The following SLC44A5 variants were observed in gnomAD, a reference collection of about 807,000 sequenced individuals.
The protein encoded by SLC44A5 is choline transporter-like protein 5.
A neutral mutation model predicts 101.8 loss-of-function variants in SLC44A5; 57 were observed. The observed-to-expected ratio is 0.56, with a 90% CI of 0.45 to 0.70. SLC44A5 has a LOEUF of 0.70. Ranked by LOEUF, SLC44A5 falls within the 30% of genes least tolerant of loss-of-function variation. The pLI is 0.00. For missense variants in SLC44A5, 737 were observed against 853.1 expected (o/e 0.86, Z 1.70); for synonymous variants, 281 against 290.9 (o/e 0.97, Z 0.35).
chr1:75,477,638 A>C (rs961476752), intron 2 of SLC44A5, among the ~76,000 whole-genome samples: 4 of 152,238 alleles, frequency 2.6e-5, no homozygotes, highest in African/African-American at 7.2e-5. Flanking sequence ...GATCAACTGG[A>C]AGAAAGGGTA....
chr1:75,633,667 C>A, the SLC44A5 span, among the ~76,000 whole-genome samples: 1 of 151,972 alleles, frequency 6.6e-6, no homozygotes, highest in East Asian at 1.9e-4. Context: ...CATCTGCAAA[C>A]AGGGACAATT....
chr1:75,628,438 T>C, the SLC44A5 span, among the ~76,000 whole-genome samples: 1 of 152,174 alleles, frequency 6.6e-6, no homozygotes, highest in Non-Finnish European at 1.5e-5. Flanking sequence ...ATTCAAATCA[T>C]GCCTCTACCT....
intron 2 of SLC44A5, among the ~76,000 whole-genome samples, chr1:75,423,332 T>A (rs2101568774): frequency 6.6e-6 from 1 of 152,310 alleles, no homozygotes; most frequent in South Asian, 2.1e-4. Context: ...GAAATTAGAT[T>A]AGATGGTTGT....
chr1:75,266,318 T>C (rs200214806), intron 6 of SLC44A5, among the ~76,000 whole-genome samples: 18 of 146,840 alleles, frequency 1.2e-4, no homozygotes, highest in Non-Finnish European at 2.7e-4. Context: ...GGCATAGAAA[T>C]ACACACACAC....
At chr1:75,682,406 G>A in the SLC44A5 span, among the ~76,000 whole-genome samples, 2 of 151,610 alleles carry the variant, frequency 1.3e-5, no homozygotes, top group Non-Finnish European at 2.9e-5. Flanking sequence ...CCAAAACAGA[G>A]ATATAGATCA....
chr1:75,688,377 C>T, the SLC44A5 span, among the ~76,000 whole-genome samples: 3 of 152,306 alleles, frequency 2.0e-5, no homozygotes, highest in East Asian at 5.8e-4. Context: ...TCATACTTCA[C>T]ACAAAAGCTC....
intron 2 of SLC44A5, among the ~76,000 whole-genome samples, chr1:75,531,679 A>G (rs1485356568): frequency 6.6e-6 from 1 of 152,226 alleles, no homozygotes; most frequent in East Asian, 1.9e-4. Flanking sequence ...AAATATTCAT[A>G]TCTCCAATCT....
intron 1 of SLC44A5, among the ~76,000 whole-genome samples, chr1:75,586,433 C>A (rs374179253): frequency 2.0e-5 from 3 of 148,016 alleles, no homozygotes; most frequent in Admixed American, 6.9e-5. Context: ...GTTTCTCTGG[C>A]GAACCCTAAT....
chr1:75,533,156 C>A (rs1368321667), intron 2 of SLC44A5, among the ~76,000 whole-genome samples: 1 of 152,110 alleles, frequency 6.6e-6, no homozygotes, highest in Non-Finnish European at 1.5e-5. Flanking sequence ...CTGAATGACT[C>A]TGATGATTCT....
rs371354228 is a variant in SLC44A5 at position 75,306,087 on chromosome 1, T to C, written c.102-5402A>G. ...TATTTTGTAACCTAGAAACGTTATG[T>C]AAAATTCAAACTTGCATTCATAAGT... On this transcript the variant is annotated intron_variant, in intron 4 of 23. Coordinates refer to ENST00000370859, the MANE Select transcript of SLC44A5 (RefSeq NM_001130058.2). Among the ~76,000 whole-genome samples the C allele has an allele frequency of 4.0e-4, 61 of 152,358 alleles. 1 individual carries two copies. The highest frequency in any genetic ancestry group is 6.8e-3 in the Middle Eastern group (2 of 294).
At chr1:75,325,348 G>T (rs1328546489) in intron 4 of SLC44A5, among the ~76,000 whole-genome samples, 1 of 151,804 alleles carries the variant, frequency 6.6e-6, no homozygotes, top group South Asian at 2.1e-4. Flanking sequence ...TGCCCTATAG[G>T]TACTGATGGA....
intron 4 of SLC44A5, among the ~76,000 whole-genome samples, chr1:75,321,531 C>A (rs1656149244): frequency 6.6e-6 from 1 of 152,136 alleles, no homozygotes; most frequent in Non-Finnish European, 1.5e-5. Context: ...TTCCTGAGGT[C>A]ACCACCCTTG....
the SLC44A5 span, among the ~76,000 whole-genome samples, chr1:75,637,058 G>A: frequency 6.6e-6 from 1 of 152,044 alleles, no homozygotes; most frequent in African/African-American, 2.4e-5. Context: ...TCGAAATATG[G>A]CTAGCATAAC....
intron 2 of SLC44A5, among the ~76,000 whole-genome samples, chr1:75,421,577 G>T (rs1283808990): frequency 2.0e-5 from 3 of 152,068 alleles, no homozygotes; most frequent in Admixed American, 1.3e-4. Context: ...TTTCAGAATT[G>T]TCCTCAATGG....
the SLC44A5 span, among the ~76,000 whole-genome samples, chr1:75,684,758 T>A: frequency 3.3e-5 from 5 of 152,146 alleles, no homozygotes; most frequent in Admixed American, 3.3e-4. Context: ...CACAGGCTGG[T>A]GTTGAGTGTC....
chr1:75,302,112 G>GTTTTTTTTTT (rs10684140), intron 4 of SLC44A5, among the ~76,000 whole-genome samples: 1,780 of 59,882 alleles, frequency 0.03, 62 homozygotes, highest in Non-Finnish European at 0.034. Context: ...TAGTTTTTTT[G>GTTTTTTTTTT]TTTTTTTTTT....
chr1:75,211,467 C>G lies in SLC44A5; in HGVS notation c.2047+1G>C, dbSNP rs1361344045. 6.2e-7 allele frequency: 1 copy of G among 1,610,346 alleles called. No individual in the cohort carries two copies. Among genetic ancestry groups the G allele is most frequent in the East Asian group, 2.2e-5 (1 of 44,704 alleles). On this transcript the variant is annotated splice_donor_variant, in intron 23 of 23. Transcript: ENST00000370859. LOFTEE classifies it high-confidence loss of function. ...GGAAAACACACATACTGAATACTCA[C>G]AGAAGCAGATGAAAATTGTTTCAAC...
At chr1:75,272,333 T>C (rs1179318460) in intron 6 of SLC44A5, among the ~76,000 whole-genome samples, 1 of 151,168 alleles carries the variant, frequency 6.6e-6, no homozygotes, top group Non-Finnish European at 1.5e-5. Context: ...CCATTTCTTT[T>C]TTTTTTTTTT....
At chr1:75,492,713 G>A (rs1250962390) in intron 2 of SLC44A5, among the ~76,000 whole-genome samples, 2 of 152,112 alleles carry the variant, frequency 1.3e-5, no homozygotes, top group African/African-American at 4.8e-5. Context: ...ATTAAAGAAG[G>A]GCCATGTTCT....
Sources: allele counts gnomAD v4.1 joint callset (sites outside exome capture counted in the v4.1 genomes callset), GRCh38; gene constraint gnomAD v4.1.1; transcripts MANE v1.5; gene names NCBI Gene and HGNC (gene_info 2026-07-23, HGNC 2026-07-21).